VCF1: variants seen among roughly 807,000 people sequenced by gnomAD.
VCF1 encodes VCP nuclear cofactor family member 1.
chr17:73,229,410 A>G, the VCF1 span: 1 of 985,494 alleles, frequency 1.0e-6, no homozygotes, highest in Non-Finnish European at 1.2e-6. Flanking sequence ...TTATGATTTT[A>G]GCAGGCACCC....
chr17:73,231,356 C>G, the VCF1 span, among the ~76,000 whole-genome samples: 44 of 152,308 alleles, frequency 2.9e-4, no homozygotes, highest in Non-Finnish European at 3.8e-4. Context: ...GAAATCCCAA[C>G]TTAGTCCGGA....
At chr17:73,220,233 C>T in the VCF1 span, among the ~76,000 whole-genome samples, 752 of 152,132 alleles carry the variant, frequency 4.9e-3, 1 homozygote, top group Non-Finnish European at 8.2e-3. Context: ...AAAAAATCAC[C>T]CAACACTCAG....
the VCF1 span, among the ~76,000 whole-genome samples, chr17:73,216,842 G>A: frequency 3.3e-5 from 5 of 152,246 alleles, no homozygotes; most frequent in African/African-American, 9.6e-5. Flanking sequence ...TATTTTTCCA[G>A]TGTGCAAAGT....
At chr17:73,216,893 AAAC>A in the VCF1 span, among the ~76,000 whole-genome samples, 2 of 152,220 alleles carry the variant, frequency 1.3e-5, no homozygotes, top group African/African-American at 4.8e-5. Context: ...GGCAGAAACT[AAAC>A]AACTCCAAAC....
chr17:73,228,963 G>A, the VCF1 span, among the ~76,000 whole-genome samples: 1 of 152,148 alleles, frequency 6.6e-6, no homozygotes, highest in Non-Finnish European at 1.5e-5. Context: ...ACCAAACTTA[G>A]GAGCCTGATC....
chr17:73,230,297 C>A, the VCF1 span, among the ~76,000 whole-genome samples: 2 of 152,020 alleles, frequency 1.3e-5, no homozygotes, highest in Non-Finnish European at 2.9e-5. Context: ...CTCTGTCAAT[C>A]AATCAGTCAA....
chr17:73,207,672 A>G, the VCF1 span: 57 of 1,294,792 alleles, frequency 4.4e-5, no homozygotes, highest in South Asian at 4.9e-4. Context: ...AAAGTTTGAC[A>G]TTTTCTTGTT....
At chr17:73,209,725 C>T in the VCF1 span, 3 of 1,535,812 alleles carry the variant, frequency 2.0e-6, no homozygotes, top group Non-Finnish European at 2.6e-6. Context: ...ATTGATGCTG[C>T]TGCTGCTGCT....
the VCF1 span, among the ~76,000 whole-genome samples, chr17:73,221,852 G>T: frequency 6.6e-6 from 1 of 151,918 alleles, no homozygotes; most frequent in African/African-American, 2.4e-5. Flanking sequence ...TGGCCAACAT[G>T]GTGAAACCCC....
At chr17:73,231,436 GA>G in the VCF1 span, among the ~76,000 whole-genome samples, 1 of 152,266 alleles carries the variant, frequency 6.6e-6, no homozygotes, top group Non-Finnish European at 1.5e-5. Flanking sequence ...GCTCCCTCGG[GA>G]AGGTAGCGAG....
chr17:73,209,108 A>G, the VCF1 span: 1 of 191,622 alleles, frequency 5.2e-6, no homozygotes, highest in Non-Finnish European at 1.1e-5. Context: ...ATGTTTTTTC[A>G]TGGAAACTAG....
the VCF1 span, among the ~76,000 whole-genome samples, chr17:73,221,937 G>A: frequency 6.6e-6 from 1 of 151,606 alleles, no homozygotes; most frequent in Admixed American, 6.6e-5. Context: ...GGGAGGCTGA[G>A]GCAGGAGAAT....
At chr17:73,228,590 A>G in the VCF1 span, among the ~76,000 whole-genome samples, 1 of 152,216 alleles carries the variant, frequency 6.6e-6, no homozygotes, top group South Asian at 2.1e-4. Flanking sequence ...GCACTGGGCT[A>G]TGTAATTTAC....
At chr17:73,209,575 TC>T in the VCF1 span, 1 of 1,586,848 alleles carries the variant, frequency 6.3e-7, no homozygotes, top group Non-Finnish European at 8.6e-7. Context: ...GAAGTGGGCC[TC>T]CCTCAGGGTC....
At chr17:73,207,392 G>A in the VCF1 span, 26 of 863,178 alleles carry the variant, frequency 3.0e-5, no homozygotes, top group South Asian at 2.3e-4. Flanking sequence ...TAATGGCGGC[G>A]CAATAGAGAA....
the VCF1 span, among the ~76,000 whole-genome samples, chr17:73,219,084 G>A: frequency 5.3e-5 from 8 of 151,528 alleles, no homozygotes; most frequent in South Asian, 2.1e-4. Context: ...CCAGCTACTC[G>A]GAAGGCTGAG....
At chr17:73,209,739 G>T in the VCF1 span, 9 of 1,543,306 alleles carry the variant, frequency 5.8e-6, no homozygotes, top group Non-Finnish European at 7.8e-6. Context: ...TGCTGCTGCT[G>T]CTGCTCCCAC....
the VCF1 span, among the ~76,000 whole-genome samples, chr17:73,218,004 T>C: frequency 1.3e-5 from 2 of 152,206 alleles, no homozygotes; most frequent in Non-Finnish European, 2.9e-5. Flanking sequence ...TGTAGTATTT[T>C]ATTTTCTGTC....
At chr17:73,208,937 T>A in the VCF1 span, 1 of 268,272 alleles carries the variant, frequency 3.7e-6, no homozygotes, top group Non-Finnish European at 7.3e-6. Flanking sequence ...GAGACTATTA[T>A]TAGGGAGTGT....
Sources: gnomAD v4.1 joint callset for allele counts (sites outside exome capture counted in the v4.1 genomes callset) on GRCh38, gnomAD v4.1.1 for gene constraint, MANE v1.5 for transcripts, NCBI Gene and HGNC (gene_info 2026-07-23, HGNC 2026-07-21) for gene names.